NMU: variants seen among roughly 807,000 people sequenced by gnomAD.
NMU encodes neuromedin-U.
In NMU, 29 loss-of-function variants were observed where a neutral mutation model predicts 35.4. That is an observed-to-expected ratio of 0.82 (90% CI 0.61 to 1.12). The LOEUF (loss-of-function observed/expected upper bound fraction) is 1.12, where lower values mean the gene tolerates loss of function less well. Ranked by LOEUF, NMU falls within the 50% of genes most tolerant of loss-of-function variation. The pLI is 0.00. For missense variants in NMU, 199 were observed against 206.2 expected, an observed-to-expected ratio of 0.97 and a Z score of 0.21; for synonymous variants, 78 against 81.3, an observed-to-expected ratio of 0.96 and a Z score of 0.22.
intron 5 of NMU, 42 bp downstream of exon 5, chr4:55,607,395 C>T: frequency 7.5e-7 from 1 of 1,342,168 alleles, no homozygotes; most frequent in South Asian, 1.2e-5. Context: ...TAATGGTTCC[C>T]TTATTATTTT....
chr4:55,609,202 T>C (rs1467086723), intron 3 of NMU, 23 bp from the exon 4 acceptor site: 10 of 1,575,350 alleles, frequency 6.3e-6, no homozygotes, highest in Middle Eastern at 3.3e-4. Flanking sequence ...AGAAGATATG[T>C]AAGTTATGCT....
chr4:55,609,775 C>G (rs1335600848), intron 3 of NMU, among the ~76,000 whole-genome samples: 1 of 152,130 alleles, frequency 6.6e-6, no homozygotes, highest in Non-Finnish European at 1.5e-5. Context: ...TGGTTAGCAG[C>G]CAGCTGGGTG....
At chr4:55,629,427 T>C (rs1430911632) in intron 2 of NMU, among the ~76,000 whole-genome samples, 3 of 151,710 alleles carry the variant, frequency 2.0e-5, no homozygotes, top group African/African-American at 7.3e-5. Context: ...GAGACCATCC[T>C]GGCCAACATG....
At chr4:55,598,759 C>T (rs2110179421) in intron 9 of NMU, among the ~76,000 whole-genome samples, 1 of 152,134 alleles carries the variant, frequency 6.6e-6, no homozygotes, top group Middle Eastern at 3.4e-3. Context: ...AAATCTTGGC[C>T]CGTTATGATA....
At chr4:55,597,984 G>A (rs755916229) in intron 9 of NMU, among the ~76,000 whole-genome samples, 10 of 149,652 alleles carry the variant, frequency 6.7e-5, no homozygotes, top group Non-Finnish European at 1.0e-4. Flanking sequence ...TTTGTTTACC[G>A]TCCTTCTACT....
intron 9 of NMU, among the ~76,000 whole-genome samples, chr4:55,597,315 G>A (rs901337562): frequency 6.6e-6 from 1 of 151,540 alleles, no homozygotes; most frequent in African/African-American, 2.4e-5. Flanking sequence ...AGGGTATATT[G>A]TGGGTATAGT....
chr4:55,613,628 T>G (rs956698367), intron 3 of NMU, among the ~76,000 whole-genome samples: 1 of 152,174 alleles, frequency 6.6e-6, no homozygotes, highest in East Asian at 1.9e-4. Context: ...TCCATTGCCT[T>G]TATGCAGTCA....
chr4:55,609,738 C>T (rs1206029711), intron 3 of NMU, among the ~76,000 whole-genome samples: 1 of 152,158 alleles, frequency 6.6e-6, no homozygotes, highest in African/African-American at 2.4e-5. Context: ...TCAAAGCATT[C>T]GAGCACAGAA....
intron 2 of NMU, among the ~76,000 whole-genome samples, chr4:55,629,168 G>T (rs1389702491): frequency 6.6e-6 from 1 of 151,978 alleles, no homozygotes; most frequent in Non-Finnish European, 1.5e-5. Flanking sequence ...CTAACTTATG[G>T]ACTCTTCCTT....
rs763811890 is a variant in NMU at position 55,607,515 on chromosome 4, CTA to C, written c.280-51_280-50del. ...TATCATTATATATTGTAAAATTTTA[CTA>C]TCTTATATACAGTAATTTTATAATG... On this transcript the variant is annotated intron_variant, in intron 4 of 9. Transcript: ENST00000264218. 56 of 687,404 alleles carry C rather than the reference CTA, an allele frequency of 8.1e-5. No individual in the cohort carries two copies. The African/African-American group carries it at 8.5e-4, about 10-fold the overall frequency. 42.6% of individuals were successfully genotyped at this position (687,404 alleles called of 1,614,324 possible).
chr4:55,610,411 C>T (rs112944826), intron 3 of NMU, among the ~76,000 whole-genome samples: 218 of 150,556 alleles, frequency 1.4e-3, no homozygotes, highest in African/African-American at 4.9e-3. Context: ...TGCAGTGAGC[C>T]GAGATCTCGA....
intron 2 of NMU, among the ~76,000 whole-genome samples, chr4:55,628,247 T>G (rs1343472059): frequency 6.6e-6 from 1 of 152,226 alleles, no homozygotes; most frequent in Non-Finnish European, 1.5e-5. Flanking sequence ...TTTTAGTGTA[T>G]TTACAGAGTT....
chr4:55,605,369 C>G lies in NMU; in HGVS notation c.361-20G>C, dbSNP rs376705385. ...TGACGACTGAGAGGACATGAACACA[C>G]ACGTGAATAAGTGCATGGCTTCTCA... On this transcript the variant is annotated intron_variant, in intron 6 of 9. Transcript: ENST00000264218. 128 of 1,586,640 alleles carry G rather than the reference C, an allele frequency of 8.1e-5. No homozygotes were observed. In the African/African-American group the frequency reaches 1.6e-3, roughly 19 times the overall value.
At chr4:55,607,386 A>G in intron 5 of NMU, 38 bp from the exon 6 acceptor site, 2 of 1,391,214 alleles carry the variant, frequency 1.4e-6, no homozygotes, top group Non-Finnish European at 2.0e-6. Flanking sequence ...TATAAAAATT[A>G]ATGGTTCCCT....
intron 9 of NMU, among the ~76,000 whole-genome samples, chr4:55,598,859 A>G (rs767510444): frequency 3.3e-5 from 5 of 152,204 alleles, no homozygotes; most frequent in Non-Finnish European, 7.3e-5. Context: ...AAAATCACTT[A>G]TGATCATTAC....
chr4:55,624,099 A>G (rs2110207256), intron 2 of NMU, among the ~76,000 whole-genome samples: 1 of 149,882 alleles, frequency 6.7e-6, no homozygotes, highest in East Asian at 2.0e-4. Context: ...CATTCAGGAC[A>G]TAGGCATGGG....
chr4:55,631,553 A>T lies in NMU; in HGVS notation c.113-1093T>A, dbSNP rs553697083. ...AAGAAGATACACAAACAGCCAACAA[A>T]CATATGAAAAAAATGCTCAGCATCA... On this transcript the variant is annotated intron_variant, in intron 1 of 9. Transcript: ENST00000264218. Among the ~76,000 whole-genome samples, 3 of 152,340 alleles carry T rather than the reference A, an allele frequency of 2.0e-5. No individual in the cohort carries two copies. In the South Asian group the frequency reaches 6.2e-4, roughly 32 times the overall value.
chr4:55,605,438 C>G, intron 6 of NMU, 89 bp from the exon 7 acceptor site: 1 of 940,496 alleles, frequency 1.1e-6, no homozygotes. Flanking sequence ...TTGTTTTTAC[C>G]CACTAAACTT....
intron 8 of NMU, among the ~76,000 whole-genome samples, chr4:55,599,717 A>G (rs1733348309): frequency 1.3e-5 from 2 of 152,162 alleles, no homozygotes; most frequent in South Asian, 4.1e-4. Context: ...TTGATGCTTC[A>G]GGATTCAGCC....
Sources: gnomAD v4.1 joint callset for allele counts (sites outside exome capture counted in the v4.1 genomes callset) on GRCh38, gnomAD v4.1.1 for gene constraint, MANE v1.5 for transcripts, NCBI Gene and HGNC (gene_info 2026-07-23, HGNC 2026-07-21) for gene names.